Variants in RABGAP1 observed in about 807,000 individuals in gnomAD.
RABGAP1 encodes the protein RAB GTPase activating protein 1, also known as rab GTPase-activating protein 1.
RABGAP1 carries 23 observed loss-of-function variants against 137.6 expected under a neutral mutation model. The ratio of observed to expected loss-of-function variants is 0.17; its 90% confidence interval spans 0.12 to 0.24. RABGAP1 has a LOEUF of 0.24. Ranked by LOEUF, RABGAP1 falls within the 10% of genes least tolerant of loss-of-function variation. RABGAP1 has a pLI of 1.00. For missense variants in RABGAP1, 906 were observed against 1,275.8 expected, an observed-to-expected ratio of 0.71 and a Z score of 4.42; for synonymous variants, 451 against 450.7, an observed-to-expected ratio of 1.00 and a Z score of -0.01.
In RABGAP1 at chr9:122,950,556, C is replaced by T. The variant is rs998957821; in HGVS notation, c.-49-6455C>T. On this transcript the variant is annotated intron_variant, in intron 1 of 25. Coordinates refer to ENST00000373647, the MANE Select transcript of RABGAP1 (RefSeq NM_012197.4). ...AGAGCCCTGCTGTGTATTCTCATAA[C>T]ACCCTTTACACACCTCTGTTATAAC... is the stretch of plus-strand genomic sequence containing the variant. Among the ~76,000 whole-genome samples, 3 of 151,938 alleles carry T rather than the reference C, an allele frequency of 2.0e-5. 1 individual carries two copies. The South Asian group carries it at 6.2e-4, about 32-fold the overall frequency.
intron 17 of RABGAP1, among the ~76,000 whole-genome samples, chr9:123,075,483 A>G (rs2034482479): frequency 6.6e-6 from 1 of 152,220 alleles, no homozygotes; most frequent in Admixed American, 6.5e-5. Context: ...AAATATTCTA[A>G]GAAACAGAAG....
chr9:123,059,600 T>C (rs1258487082), intron 13 of RABGAP1, among the ~76,000 whole-genome samples: 1 of 152,014 alleles, frequency 6.6e-6, no homozygotes, highest in Non-Finnish European at 1.5e-5. Context: ...AACTAATCAC[T>C]AATGTGATGC....
chr9:123,087,169 G>A (rs2034892810), intron 19 of RABGAP1, among the ~76,000 whole-genome samples: 1 of 152,166 alleles, frequency 6.6e-6, no homozygotes, highest in Non-Finnish European at 1.5e-5. Flanking sequence ...TACTATGAGG[G>A]TGAGGCAGCT....
intron 9 of RABGAP1, among the ~76,000 whole-genome samples, chr9:122,997,778 A>G (rs1279214003): frequency 6.6e-6 from 1 of 152,208 alleles, no homozygotes; most frequent in Non-Finnish European, 1.5e-5. Flanking sequence ...CAAATACTCT[A>G]TGCATAAAGT....
intron 2 of RABGAP1, among the ~76,000 whole-genome samples, chr9:122,974,169 C>A (rs1193094189): frequency 2.0e-5 from 3 of 152,188 alleles, no homozygotes; most frequent in Non-Finnish European, 4.4e-5. Context: ...TGATACAATT[C>A]ATCATGTACT....
At chr9:123,061,797 C>T (rs1440038587) in intron 13 of RABGAP1, 1 of 152,228 alleles carries the variant, frequency 6.6e-6, no homozygotes, top group Non-Finnish European at 1.5e-5. Flanking sequence ...AAGTCACCAT[C>T]TGTGCACTGT....
rs1027613825 is a variant in RABGAP1, at chr9:123,035,877, G to C, written c.1794+15418G>C. Among the ~76,000 whole-genome samples, 4 of 152,244 alleles carry C rather than the reference G, an allele frequency of 2.6e-5. 1 individual carries two copies. The South Asian group carries it at 8.3e-4, about 32-fold the overall frequency. ...TGCTCTCAATTTTTGAAATGTCTTG[G>C]AAATGACTACAGTTCTCAGATTTAA... On this transcript the variant is annotated intron_variant, in intron 13 of 25. Transcript: ENST00000373647.
chr9:123,029,373 C>G (rs944394483), intron 13 of RABGAP1: 2 of 1,057,916 alleles, frequency 1.9e-6, no homozygotes, highest in Admixed American at 3.6e-5. Flanking sequence ...TTGCTTGGAC[C>G]TGTTCATGCA....
At position 123,097,640 on chromosome 9, in the gene RABGAP1, C is replaced by T. The variant is rs1475802575; in HGVS notation, c.2629-101C>T. The stretch of plus-strand genomic sequence containing the variant: ...GGGATATAATTTCCCCTCTCTGAAT[C>T]AGAGTTTCCCCATCATCTTAAAATG... On this transcript the variant is annotated intron_variant, in intron 21 of 25. Transcript: ENST00000373647. The T allele has an allele frequency of 4.1e-6, 4 of 975,308 alleles. No homozygotes were observed. In the African/African-American group the frequency reaches 6.6e-5, roughly 16 times the overall value. 60.4% of individuals were successfully genotyped at this position (975,308 alleles called of 1,614,324 possible).
At chr9:122,994,044 A>G (rs1836886965) in intron 6 of RABGAP1, among the ~76,000 whole-genome samples, 1 of 152,218 alleles carries the variant, frequency 6.6e-6, no homozygotes, top group Non-Finnish European at 1.5e-5. Context: ...TCCTCATGAG[A>G]TAAATTGGGT....
chr9:123,010,615 T>C, intron 11 of RABGAP1, 87 bp downstream of exon 11: 1 of 1,241,066 alleles, frequency 8.1e-7, no homozygotes, highest in Non-Finnish European at 1.1e-6. Context: ...GATAATGTGA[T>C]ACGGCATTTA....
At chr9:122,935,374 G>A in the RABGAP1 span, among the ~76,000 whole-genome samples, 1 of 151,852 alleles carries the variant, frequency 6.6e-6, no homozygotes, top group Non-Finnish European at 1.5e-5. Context: ...GTCTCGCTCT[G>A]TCACCCAGGC....
chr9:122,968,289 C>CT (rs1275572664), intron 2 of RABGAP1, among the ~76,000 whole-genome samples: 3 of 138,962 alleles, frequency 2.2e-5, no homozygotes, highest in Non-Finnish European at 4.6e-5. Context: ...GTGGTGCAAT[C>CT]TCAGCTCACT....
Position 123,070,576 on chromosome 9 carries a change from C to T in RABGAP1, c.1983+152C>T. On this transcript the variant is annotated intron_variant, in intron 15 of 25. Coordinates refer to ENST00000373647, the MANE Select transcript of RABGAP1 (RefSeq NM_012197.4). The surrounding 1 kb of genome is among the most constrained non-coding windows in gnomAD (Gnocchi z 4.4). The stretch of plus-strand genomic sequence containing the variant: ...GCTGGAAACTTTTTCCTTAAATTAA[C>T]TTAATGTCATTGTGGAGGAGATATA... 1 of 1,407,640 alleles carries T rather than the reference C, an allele frequency of 7.1e-7. No homozygotes were observed. The highest frequency in any genetic ancestry group is 1.6e-5 in the South Asian group (1 of 61,488). The allele number at this position is 1,407,640 out of a possible 1,614,324, so 87.2% of individuals were successfully genotyped here. A position where few individuals can be genotyped will look rare whatever the true frequency, so the allele number is the denominator to read the frequency against.
Position 122,990,041 on chromosome 9 carries a change from C to A in RABGAP1, c.766-15C>A. On this transcript the variant is annotated splice_polypyrimidine_tract_variant and intron_variant, in intron 5 of 25. Transcript: ENST00000373647. ...CTTTTGATAACAGCCCATTTCCTAA[C>A]ATGTCTGGTTGTAGGTAAGCCGGAT... 1 of 1,574,760 alleles carries A rather than the reference C, an allele frequency of 6.4e-7. No individual in the cohort carries two copies. The highest frequency in any genetic ancestry group is 8.7e-7 in the Non-Finnish European group (1 of 1,153,744).
chr9:123,077,168 T>G (rs984681544), intron 19 of RABGAP1, among the ~76,000 whole-genome samples: 5 of 151,322 alleles, frequency 3.3e-5, no homozygotes, highest in African/African-American at 1.2e-4. Context: ...GTTTTTGTTT[T>G]TTTTTTTTTC....
intron 16 of RABGAP1, among the ~76,000 whole-genome samples, chr9:123,073,947 G>T (rs1220076585): frequency 6.6e-6 from 1 of 152,140 alleles, no homozygotes; most frequent in Non-Finnish European, 1.5e-5. Flanking sequence ...CAGTCAAGAA[G>T]TACTCCCCAA....
chr9:123,074,211 TA>T, intron 16 of RABGAP1, 73 bp from the exon 17 acceptor site: 1 of 1,568,396 alleles, frequency 6.4e-7, no homozygotes, highest in South Asian at 1.2e-5. Flanking sequence ...CTATTCCTGG[TA>T]GATTTATGAG....
At chr9:122,937,672 A>T (rs1202737799), upstream of RABGAP1, 1 of 152,174 alleles carries the variant, frequency 6.6e-6, no homozygotes, top group Non-Finnish European at 1.5e-5. Context: ...TATGAATAAA[A>T]TTAGACTATC....
Sources: allele counts gnomAD v4.1 joint callset (sites outside exome capture counted in the v4.1 genomes callset), GRCh38; gene constraint gnomAD v4.1.1; non-coding constraint Gnocchi (gnomAD v3.1); transcripts MANE v1.5; gene names NCBI Gene and HGNC (gene_info 2026-07-23, HGNC 2026-07-21).